Variants in AKAP17A observed in about 807,000 individuals in gnomAD.
The protein encoded by AKAP17A is A-kinase anchoring protein 17A, also known as A-kinase anchor protein 17A.
A neutral mutation model predicts 52.2 loss-of-function variants in AKAP17A; 15 were observed. The observed-to-expected ratio is 0.29, with a 90% CI of 0.19 to 0.44. AKAP17A has a LOEUF of 0.44. Ranked by LOEUF, AKAP17A falls within the 20% of genes least tolerant of loss-of-function variation. AKAP17A has a pLI of 1.00. For missense variants in AKAP17A, 1,060 were observed against 1,007.0 expected (o/e 1.05, Z -0.71); for synonymous variants, 514 against 424.7 (o/e 1.21, Z -2.58).
rs181794155 is a variant in AKAP17A at position 1,602,148 on chromosome X, C to T, written c.*554C>T. On this transcript the variant is annotated 3_prime_UTR_variant, in exon 5 of 5. Transcript: ENST00000313871. ...GAGGAAGGTACAAGTCCTTTAAGAT[C>T]AAAACTCAAACGGGCCGTTCTTTCT... 6.5e-6 allele frequency: 1 copy of T among 152,992 alleles called. No homozygotes were observed. Among genetic ancestry groups the T allele is most frequent in the Non-Finnish European group, 1.5e-5 (1 of 68,736 alleles). 9.5% of individuals were successfully genotyped at this position (152,992 alleles called of 1,614,324 possible). A position where few individuals can be genotyped will look rare whatever the true frequency, so the allele number is the denominator to read the frequency against.
rs771307249 is a variant in AKAP17A at position 1,593,952 on chromosome X, T to A, written c.490T>A (p.Ser164Thr). The A allele has an allele frequency of 6.9e-6, 11 of 1,605,174 alleles. No homozygotes were observed. The highest frequency in any genetic ancestry group is 7.7e-6 in the Non-Finnish European group (9 of 1,174,958). ...CTGCAAGTGGTTCGCCCTGAAGGAG[T>A]CGGGCTCCGAGAAGCCCAGCGAGGA... ...LPCKWFALKE[S>T]GSEKPSEDVL... The change falls in exon 2 of 5, where the codon TCG becomes ACG. Residue 164 changes from serine (S) to threonine (T), a missense_variant. Physicochemically the swap from Ser to Thr is moderately conservative, Grantham distance 58. Around this residue, in one of 2 missense-constraint regions of AKAP17A, gnomAD observed 267 missense variants for 377.1 expected, o/e 0.71. Transcript: ENST00000313871.
In AKAP17A at chrX:1,600,916, C is replaced by G. The variant is rs774068211; in HGVS notation, c.1410C>G (p.Ile470Met). Residue 470 changes from isoleucine (I) to methionine (M), a missense_variant, in exon 5 of 5, where the codon ATC (isoleucine) becomes ATG (methionine). Coordinates refer to ENST00000313871, the MANE Select transcript of AKAP17A (RefSeq NM_005088.3). ...ACCTGCTGCAGCCCGTCCTGGACAT[C>G]CTGCAGACCGTGTCGTCCGGCTGTG... is the stretch of plus-strand genomic sequence containing the variant. ...HADLLQPVLD[I>M]LQTVSSGCVS... 3 of 1,576,802 alleles carry G rather than the reference C, an allele frequency of 1.9e-6. No individual in the cohort carries two copies. The African/African-American group carries it at 4.0e-5, about 21-fold the overall frequency.
Position 1,601,413 on chromosome X carries a change from GGCGCAGCACGAGCCCGGACCACAC to G in AKAP17A, c.1908_1931del (p.Thr639_Ser646del). 1.3e-6 allele frequency: 2 copies of G among 1,565,034 alleles called. No individual in the cohort carries two copies. Among genetic ancestry groups the G allele is most frequent in the Non-Finnish European group, 1.7e-6 (2 of 1,163,062 alleles). ...GCCTACAAGGATGACAGCCCCCGCC[GGCGCAGCACGAGCCCGGACCACAC>G]CCGGTCCCGGAGGTCCCACAGCAAA... is the stretch of plus-strand genomic sequence containing the variant. On this transcript the variant is annotated inframe_deletion, in exon 5 of 5. Transcript: ENST00000313871.
At chrX:1,598,429 C>G (rs1268823340) in intron 3 of AKAP17A, among the ~76,000 whole-genome samples, 1 of 152,002 alleles carries the variant, frequency 6.6e-6, no homozygotes, top group Admixed American at 6.6e-5. Context: ...TGTGGCCTCA[C>G]TAGGCGGTTG....
At position 1,601,735 on chromosome X, in the gene AKAP17A, G is replaced by C; in HGVS notation, c.*141G>C. 1 of 737,082 alleles carries C rather than the reference G, an allele frequency of 1.4e-6. No individual in the cohort carries two copies. Among genetic ancestry groups the C allele is most frequent in the Non-Finnish European group, 1.9e-6 (1 of 513,456 alleles). 45.7% of individuals were successfully genotyped at this position (737,082 alleles called of 1,614,324 possible). ...CCACGAATGTCCACGGAGCCCGCCG[G>C]CAGGAAGGAAGACACCATGCTTTAG... is the stretch of plus-strand genomic sequence containing the variant. On this transcript the variant is annotated 3_prime_UTR_variant, in exon 5 of 5. Coordinates refer to ENST00000313871, the MANE Select transcript of AKAP17A (RefSeq NM_005088.3).
In AKAP17A at chrX:1,600,809, C is replaced by G. The variant is rs772601642; in HGVS notation, c.1303C>G (p.Arg435Gly). ...LGLQRKEREL[R>G]ERLLSILLSK... is the part of the protein sequence containing the mutation. ...CCTGCAGCGGAAAGAGCGGGAGCTG[C>G]GCGAGCGGCTGCTGAGCATCCTGCT... The change falls in exon 5 of 5, where the codon CGC becomes GGC. Residue 435 changes from arginine to glycine, a missense_variant. Transcript: ENST00000313871. 1 of 1,590,382 alleles carries G rather than the reference C, an allele frequency of 6.3e-7. No individual in the cohort carries two copies. Among genetic ancestry groups the G allele is most frequent in the Non-Finnish European group, 8.5e-7 (1 of 1,173,122 alleles).
In AKAP17A at chrX:1,594,096, C is replaced by T. The variant is rs1410020935; in HGVS notation, c.634C>T (p.His212Tyr). The T allele has an allele frequency of 6.2e-7, 1 of 1,613,652 alleles. No individual in the cohort carries two copies. Among genetic ancestry groups the T allele is most frequent in the Non-Finnish European group, 8.5e-7 (1 of 1,179,762 alleles). ...RNFHTFSFGG[H>Y]LNFEAYVQYR... ...CTTCCACACCTTCAGTTTCGGGGGG[C>T]ACTTGAACTTCGAGGCCTATGTGCA... The change falls in exon 2 of 5, where the codon CAC (histidine) becomes TAC (tyrosine). Residue 212 changes from histidine (H) to tyrosine (Y), a missense_variant. By Grantham distance (83) the His-to-Tyr change is moderately conservative. This residue lies in a region of AKAP17A where 267 missense variants were observed against 377.1 expected (regional missense o/e 0.71). Coordinates refer to ENST00000313871, the MANE Select transcript of AKAP17A (RefSeq NM_005088.3).
rs1418352996 is a variant in AKAP17A at position 1,593,942 on chromosome X, C to A, written c.480C>A (p.Ala160=). 2 of 1,608,242 alleles carry A rather than the reference C, an allele frequency of 1.2e-6. No homozygotes were observed. Among genetic ancestry groups the A allele is most frequent in the African/African-American group, 1.3e-5 (1 of 74,918 alleles). ...AGGGGCTGCCCTGCAAGTGGTTCGC[C>A]CTGAAGGAGTCGGGCTCCGAGAAGC... The part of the protein sequence containing the change: ...HLEGLPCKWF[A]LKESGSEKPS... Residue 160 remains alanine (A), a synonymous_variant, in exon 2 of 5, where the codon GCC becomes GCA. Coordinates refer to ENST00000313871, the MANE Select transcript of AKAP17A (RefSeq NM_005088.3).
In AKAP17A at chrX:1,601,662, C is replaced by G; in HGVS notation, c.*68C>G. On this transcript the variant is annotated 3_prime_UTR_variant, in exon 5 of 5. Coordinates refer to ENST00000313871, the MANE Select transcript of AKAP17A (RefSeq NM_005088.3). ...GACCTGCTCGAGCCTCCTGGCCGCT[C>G]CTTGGCCGCTCTCCGTCCACCCCTG... 7.5e-7 allele frequency: 1 copy of G among 1,330,268 alleles called. No individual in the cohort carries two copies. Among genetic ancestry groups the G allele is most frequent in the South Asian group, 1.9e-5 (1 of 51,738 alleles). 82.4% of individuals were successfully genotyped at this position (1,330,268 alleles called of 1,614,324 possible).
intron 4 of AKAP17A, chrX:1,599,897 C>G: frequency 1.8e-6 from 1 of 557,884 alleles, no homozygotes; most frequent in South Asian, 2.0e-5. Context: ...CGGGTCCCTC[C>G]TCCGCAGCGT....
At chrX:1,591,828 A>G (rs1286263091) in intron 1 of AKAP17A, 59 bp downstream of exon 1, 2 of 114,984 alleles carry the variant, frequency 1.7e-5, no homozygotes, top group African/African-American at 6.7e-5. Flanking sequence ...CTTCGCTCCT[A>G]GGGCCGGGCC....
At chrX:1,596,579 T>C (rs1426828911) in intron 3 of AKAP17A, among the ~76,000 whole-genome samples, 1 of 131,366 alleles carries the variant, frequency 7.6e-6, no homozygotes, top group Admixed American at 7.4e-5. Context: ...GGATTCCTCC[T>C]CCTCCTCCTC....
At chrX:1,598,610 C>G (rs752437633) in intron 3 of AKAP17A, among the ~76,000 whole-genome samples, 23 of 152,172 alleles carry the variant, frequency 1.5e-4, no homozygotes, top group Non-Finnish European at 2.2e-4. Context: ...CTCTGGGGAC[C>G]GCGCCCCTCC....
intron 3 of AKAP17A, among the ~76,000 whole-genome samples, chrX:1,598,760 T>C (rs1441526286): frequency 6.6e-6 from 1 of 152,200 alleles, no homozygotes; most frequent in Non-Finnish European, 1.5e-5. Context: ...ACAGGAGTCC[T>C]GCACAACAAG....
At chrX:1,595,923 C>T (rs1250587005) in intron 3 of AKAP17A, among the ~76,000 whole-genome samples, 4 of 152,082 alleles carry the variant, frequency 2.6e-5, no homozygotes, top group African/African-American at 4.8e-5. Context: ...TGTGTGTGCA[C>T]GTATGGGTGT....
Position 1,595,428 on chromosome X carries a change from G to A in AKAP17A, c.807G>A (p.Lys269=), listed in dbSNP as rs1779775786. ...STKHLSDASI[K]KRQLERQKLQ... is the part of the protein sequence containing the mutation. The stretch of plus-strand genomic sequence containing the variant: ...AACACCTGAGTGATGCCTCAATTAA[G>A]AAGCGGCAGCTGGAGAGGCAGAAGC... The change falls in exon 3 of 5, where the codon AAG becomes AAA. Residue 269 remains lysine, a synonymous_variant. Transcript: ENST00000313871. The A allele has an allele frequency of 6.2e-7, 1 of 1,614,034 alleles. No homozygotes were observed. The highest frequency in any genetic ancestry group is 1.7e-5 in the Admixed American group (1 of 60,018).
chrX:1,595,482 A>G lies in AKAP17A; in HGVS notation c.861A>G (p.Glu287=). Residue 287 remains glutamate, a synonymous_variant, in exon 3 of 5, where the codon GAA becomes GAG. Transcript: ENST00000313871. ...AGGAACTGGAGCAGCAAAGAGAAGAACAAAAGCGCAGAGAGAAGGAAGCGG... is the reference window on the plus strand; with the variant it reads ...AGGAACTGGAGCAGCAAAGAGAAGAGCAAAAGCGCAGAGAGAAGGAAGCGG... ...KLQELEQQRE[E]QKRREKEAEE... is the part of the protein sequence containing the mutation. 6.2e-7 allele frequency: 1 copy of G among 1,613,900 alleles called. No homozygotes were observed. Among genetic ancestry groups the G allele is most frequent in the East Asian group, 2.2e-5 (1 of 44,894 alleles).
In AKAP17A at chrX:1,601,532, C is replaced by T. The variant is rs769742592; in HGVS notation, c.2026C>T (p.Arg676Cys). ...CAGCAGGAAGCACAGCCGCCACCGCCGCCGAAGCGAGCGGTCGCGCTCCCG... is the reference window on the plus strand; with the variant it reads ...CAGCAGGAAGCACAGCCGCCACCGCTGCCGAAGCGAGCGGTCGCGCTCCCG... ...SASRKHSRHR[R>C]RSERSRSRSP... is the part of the protein sequence containing the mutation. The change falls in exon 5 of 5, where the codon CGC (arginine) becomes TGC (cysteine). Residue 676 changes from arginine to cysteine, a missense_variant. Arg to Cys is a radical substitution (Grantham distance 180). Coordinates refer to ENST00000313871, the MANE Select transcript of AKAP17A (RefSeq NM_005088.3). 34 of 1,487,030 alleles carry T rather than the reference C, an allele frequency of 2.3e-5. No individual in the cohort carries two copies. The highest frequency in any genetic ancestry group is 4.9e-5 in the Admixed American group (2 of 40,664). The allele number at this position is 1,487,030 out of a possible 1,614,324, so 92.1% of individuals were successfully genotyped here.
At chrX:1,594,351 C>T (rs1932899220) in intron 2 of AKAP17A, 127 bp downstream of exon 2, 8 of 1,153,154 alleles carry the variant, frequency 6.9e-6, no homozygotes, top group Non-Finnish European at 1.2e-6. Flanking sequence ...AAAATGGCAG[C>T]AACAGTCCTG....
Sources: gnomAD v4.1 joint callset for allele counts (sites outside exome capture counted in the v4.1 genomes callset) on GRCh38, gnomAD v4.1.1 for gene constraint, gnomAD v4.1.1 regional missense constraint, MANE v1.5 for transcripts, NCBI Gene and HGNC (gene_info 2026-07-23, HGNC 2026-07-21) for gene names.